MCM9: variants seen among roughly 807,000 people sequenced by gnomAD.
MCM9 encodes the protein DNA helicase MCM9.
MCM9 carries 55 observed loss-of-function variants against 72.8 expected under a neutral mutation model. That is an observed-to-expected ratio of 0.76 (90% confidence interval 0.61 to 0.95). The LOEUF (loss-of-function observed/expected upper bound fraction) is 0.95, where lower values mean the gene tolerates loss of function less well. Ranked by LOEUF, MCM9 falls within the 40% of genes least tolerant of loss-of-function variation. MCM9 has a pLI of 0.00. For missense variants in MCM9, 1,279 were observed against 1,377.0 expected (o/e 0.93, Z 1.13); for synonymous variants, 480 against 503.4 (o/e 0.95, Z 0.62).
intron 8 of MCM9, among the ~76,000 whole-genome samples, chr6:118,868,001 A>C (rs887976247): frequency 6.7e-6 from 1 of 149,558 alleles, no homozygotes; most frequent in Non-Finnish European, 1.5e-5. Context: ...CTCAGCCTCC[A>C]GAGTAGTTGG....
chr6:118,858,495 C>A (rs867821203), intron 8 of MCM9, among the ~76,000 whole-genome samples: 4 of 151,920 alleles, frequency 2.6e-5, no homozygotes, highest in South Asian at 2.1e-4. Flanking sequence ...CAAAATCATG[C>A]TAGAGGTTCT....
intron 8 of MCM9, among the ~76,000 whole-genome samples, chr6:118,870,382 T>G (rs577449499): frequency 6.6e-6 from 1 of 151,514 alleles, no homozygotes; most frequent in African/African-American, 2.4e-5. Context: ...TTAAGCAATA[T>G]GCTTCTGAAC....
At chr6:118,838,055 G>T (rs915966560) in intron 9 of MCM9, among the ~76,000 whole-genome samples, 1 of 151,986 alleles carries the variant, frequency 6.6e-6, no homozygotes, top group African/African-American at 2.4e-5. Context: ...GGCAGGCCTG[G>T]TGGTGACAAA....
intron 8 of MCM9, among the ~76,000 whole-genome samples, chr6:118,876,947 C>T (rs1354417793): frequency 2.0e-5 from 3 of 152,178 alleles, no homozygotes; most frequent in African/African-American, 7.2e-5. Context: ...TTTGTGACTG[C>T]CTTGACCCAT....
At chr6:118,894,805 C>T (rs1040414555) in intron 8 of MCM9, among the ~76,000 whole-genome samples, 1 of 152,198 alleles carries the variant, frequency 6.6e-6, no homozygotes, top group African/African-American at 2.4e-5. Flanking sequence ...AGCTCGGAGA[C>T]CCGCACTCGC....
At chr6:118,884,571 C>T (rs1778484362) in intron 8 of MCM9, among the ~76,000 whole-genome samples, 1 of 151,586 alleles carries the variant, frequency 6.6e-6, no homozygotes, top group African/African-American at 2.4e-5. Context: ...GATAGGAATG[C>T]AACCGTATCA....
At chr6:118,830,175 T>A (rs1262753982) in intron 9 of MCM9, among the ~76,000 whole-genome samples, 1 of 152,206 alleles carries the variant, frequency 6.6e-6, no homozygotes, top group Non-Finnish European at 1.5e-5. Flanking sequence ...TCATTGGCAA[T>A]AACAAATGTA....
In MCM9 at chr6:118,883,140, G is replaced by A. The variant is rs186988383; in HGVS notation, c.1151-26595C>T. Among the ~76,000 whole-genome samples, 270 of 141,150 alleles carry A rather than the reference G, an allele frequency of 1.9e-3. 2 individuals are homozygous for A. The highest frequency in any genetic ancestry group is 0.011 in the Middle Eastern group (3 of 268). The allele number at this position is 141,150 out of a possible 152,430, so 92.6% of individuals were successfully genotyped here. Reference sequence around the variant, plus strand: ...AGAGAATATCAATAAGAGATAAAAAGGATTTTTAAAAACCAAGTAAGAATT... The same window carrying A: ...AGAGAATATCAATAAGAGATAAAAAAGATTTTTAAAAACCAAGTAAGAATT... On this transcript the variant is annotated intron_variant, in intron 8 of 13. Coordinates refer to ENST00000619706, the MANE Select transcript of MCM9 (RefSeq NM_017696.3).
At chr6:118,869,599 C>CAAAAAAAAAAAAAAAAAA in intron 8 of MCM9, among the ~76,000 whole-genome samples, 8 of 58,278 alleles carry the variant, frequency 1.4e-4, no homozygotes, top group South Asian at 9.5e-4. Context: ...AAAGGATTTA[C>CAAAAAAAAAAAAAAAAAA]AAAAAAAAAA....
chr6:118,881,188 A>T (rs149791349), intron 8 of MCM9, among the ~76,000 whole-genome samples: 10,039 of 152,228 alleles, frequency 0.066, 470 homozygotes, highest in East Asian at 0.19. Context: ...TAAAGTAAGC[A>T]TAATGCACTG....
intron 13 of MCM9, among the ~76,000 whole-genome samples, chr6:118,823,127 G>A (rs908173695): frequency 2.0e-5 from 3 of 151,968 alleles, no homozygotes; most frequent in Non-Finnish European, 2.9e-5. Context: ...GTTCTGTCTC[G>A]CTGGGGTTCC....
At chr6:118,901,143 C>T in intron 8 of MCM9, 1 of 281,228 alleles carries the variant, frequency 3.6e-6, no homozygotes. Context: ...TATACTGTAT[C>T]ATGGCACACA....
intron 8 of MCM9, chr6:118,910,733 T>C (rs1370174417): frequency 2.0e-6 from 2 of 985,318 alleles, no homozygotes; most frequent in Non-Finnish European, 2.4e-6. Flanking sequence ...TGTCTACCCT[T>C]CTCAATTCCA....
At chr6:118,930,950 T>C (rs1782373221) in intron 3 of MCM9, among the ~76,000 whole-genome samples, 2 of 152,234 alleles carry the variant, frequency 1.3e-5, no homozygotes, top group African/African-American at 4.8e-5. Flanking sequence ...ATTAAGATGC[T>C]TTATCTGTCA....
intron 9 of MCM9, among the ~76,000 whole-genome samples, chr6:118,848,040 G>A (rs1178748786): frequency 6.6e-6 from 1 of 151,884 alleles, no homozygotes; most frequent in African/African-American, 2.4e-5. Flanking sequence ...CCCCTCCTAA[G>A]GCATCTGCTA....
At chr6:118,843,979 A>C (rs1775688551) in intron 9 of MCM9, among the ~76,000 whole-genome samples, 1 of 149,296 alleles carries the variant, frequency 6.7e-6, no homozygotes, top group Non-Finnish European at 1.5e-5. Flanking sequence ...TTAGAAAGGC[A>C]GGGCCCCAGA....
intron 3 of MCM9, among the ~76,000 whole-genome samples, chr6:118,929,873 C>T (rs1782243208): frequency 6.6e-6 from 1 of 151,898 alleles, no homozygotes; most frequent in African/African-American, 2.4e-5. Flanking sequence ...TATCTAGTAC[C>T]CTGATGCATA....
chr6:118,889,065 T>C (rs1018534775), intron 8 of MCM9, among the ~76,000 whole-genome samples: 1 of 152,206 alleles, frequency 6.6e-6, no homozygotes, highest in Middle Eastern at 3.2e-3. Context: ...ATGAGTGAAT[T>C]ACATGTTATG....
chr6:118,826,265 C>T lies in MCM9; in HGVS notation c.1843G>A (p.Ala615Thr), dbSNP rs1774160238. The T allele has an allele frequency of 3.9e-6, 6 of 1,550,324 alleles. No individual in the cohort carries two copies. Among genetic ancestry groups the T allele is most frequent in the Non-Finnish European group, 5.2e-6 (6 of 1,146,892 alleles). ...QGGALLGGVNALHTSFPENPG... is the reference protein window; with the variant it reads ...QGGALLGGVNTLHTSFPENPG... ...TTTTCAGGAAAGGAAGTGTGGAGGG[C>T]ATTCACACCTCCTAGCAGTGCACCT... Residue 615 changes from alanine to threonine, a missense_variant, in exon 13 of 14, where the codon GCC (alanine) becomes ACC (threonine). Ala to Thr is a moderately conservative substitution (Grantham distance 58). Coordinates refer to ENST00000619706, the MANE Select transcript of MCM9 (RefSeq NM_017696.3).
Sources: gnomAD v4.1 joint callset for allele counts (sites outside exome capture counted in the v4.1 genomes callset) on GRCh38, gnomAD v4.1.1 for gene constraint, MANE v1.5 for transcripts, NCBI Gene and HGNC (gene_info 2026-07-23, HGNC 2026-07-21) for gene names.